Variants in ARHGAP26 observed in about 807,000 individuals in gnomAD.
ARHGAP26 encodes rho GTPase-activating protein 26.
In ARHGAP26, 38 loss-of-function variants were observed where a neutral mutation model predicts 104.8. The ratio of observed to expected loss-of-function variants is 0.36; its 90% CI spans 0.28 to 0.48. The LOEUF (loss-of-function observed/expected upper bound fraction) is 0.48, where lower values mean the gene tolerates loss of function less well. Ranked by LOEUF, ARHGAP26 falls within the 20% of genes least tolerant of loss-of-function variation. The probability of loss-of-function intolerance (pLI) is 0.99; values close to 1 mark genes in which losing one functional copy is unlikely to be tolerated. For missense variants in ARHGAP26, 704 were observed against 947.9 expected, an observed-to-expected ratio of 0.74 and a Z score of 3.38; for synonymous variants, 341 against 340.0, an observed-to-expected ratio of 1.00 and a Z score of -0.03.
chr5:142,815,738 A>T lies in ARHGAP26; in HGVS notation c.154+44823A>T, dbSNP rs182763800. 7.6e-4 allele frequency among the ~76,000 whole-genome samples: 116 copies of T among 152,184 alleles called. 3 individuals carry two copies. The highest frequency in any genetic ancestry group is 2.4e-4 in the Non-Finnish European group (16 of 68,002). On this transcript the variant is annotated intron_variant, in intron 1 of 22. Coordinates refer to ENST00000645722, the MANE Select transcript of ARHGAP26 (RefSeq NM_001135608.3). Reference sequence around the variant, plus strand: ...TCCCCTTCTCACCACTTTCAGACTCATTCGAGCCTCACTTTCCCCGGCTAG... The same window carrying T: ...TCCCCTTCTCACCACTTTCAGACTCTTTCGAGCCTCACTTTCCCCGGCTAG...
At chr5:142,992,419 A>AT (rs1562220414) in intron 11 of ARHGAP26, among the ~76,000 whole-genome samples, 1 of 151,234 alleles carries the variant, frequency 6.6e-6, no homozygotes, top group Non-Finnish European at 1.5e-5. Flanking sequence ...TTTTTTATTT[A>AT]TTTATTTTAT....
chr5:142,798,917 A>G (rs1286096959), intron 1 of ARHGAP26, among the ~76,000 whole-genome samples: 1 of 152,118 alleles, frequency 6.6e-6, no homozygotes, highest in Non-Finnish European at 1.5e-5. Flanking sequence ...CCCTTCATCC[A>G]CCAGGCCAAG....
intron 11 of ARHGAP26, among the ~76,000 whole-genome samples, chr5:142,940,862 G>A (rs1766179549): frequency 6.6e-6 from 1 of 151,922 alleles, no homozygotes; most frequent in South Asian, 2.1e-4. Context: ...AGATAACGAG[G>A]TCAGGAGATC....
intron 22 of ARHGAP26, chr5:143,216,239 G>A (rs1202028352): frequency 2.1e-6 from 1 of 471,260 alleles, no homozygotes; most frequent in Admixed American, 2.4e-5. Flanking sequence ...CGAAGCTCCG[G>A]GCACCTCCAC....
chr5:143,218,609 A>G (rs1810701050), intron 22 of ARHGAP26, among the ~76,000 whole-genome samples: 1 of 152,192 alleles, frequency 6.6e-6, no homozygotes, highest in Admixed American at 6.5e-5. Flanking sequence ...ACATGGGTAG[A>G]GCCGAGAGAA....
intron 1 of ARHGAP26, chr5:142,868,177 A>G (rs73286462): frequency 0.037 from 5,634 of 152,654 alleles, 365 homozygotes; most frequent in East Asian, 0.25. Flanking sequence ...GCCTGATTAG[A>G]GAAGTCAGGG....
intron 18 of ARHGAP26, among the ~76,000 whole-genome samples, chr5:143,126,814 T>G (rs1407822179): frequency 6.6e-6 from 1 of 152,238 alleles, no homozygotes; most frequent in East Asian, 1.9e-4. Context: ...AGATTTTGGC[T>G]CTTCCCACGC....
intron 1 of ARHGAP26, among the ~76,000 whole-genome samples, chr5:142,837,920 G>A (rs10045187): frequency 0.1 from 15,788 of 152,080 alleles, 1,447 homozygotes; most frequent in African/African-American, 0.25. Context: ...ATTTTTCCCT[G>A]CAGGGATATT....
At chr5:143,203,914 G>T (rs1327322067) in intron 20 of ARHGAP26, among the ~76,000 whole-genome samples, 1 of 151,766 alleles carries the variant, frequency 6.6e-6, no homozygotes, top group Non-Finnish European at 1.5e-5. Flanking sequence ...ACCGGGGCCT[G>T]TCAGGGGGTA....
At chr5:143,137,565 C>T (rs1418593285) in intron 19 of ARHGAP26, among the ~76,000 whole-genome samples, 1 of 152,248 alleles carries the variant, frequency 6.6e-6, no homozygotes, top group Non-Finnish European at 1.5e-5. Flanking sequence ...GCATACCTCT[C>T]CTCTACCTTC....
intron 1 of ARHGAP26, among the ~76,000 whole-genome samples, chr5:142,829,541 C>T (rs952819099): frequency 6.6e-6 from 1 of 152,174 alleles, no homozygotes; most frequent in African/African-American, 2.4e-5. Context: ...GCAGAGGGCA[C>T]CTCACATCAC....
intron 11 of ARHGAP26, chr5:142,969,291 G>C (rs1459944644): frequency 1.3e-5 from 2 of 152,118 alleles, no homozygotes; most frequent in African/African-American, 4.8e-5. Flanking sequence ...TTCTCCACTA[G>C]TATAAAAAAT....
chr5:143,221,598 C>T (rs796892701), intron 22 of ARHGAP26, among the ~76,000 whole-genome samples: 2 of 152,132 alleles, frequency 1.3e-5, no homozygotes, highest in African/African-American at 2.4e-5. Flanking sequence ...ACTGCAGCCT[C>T]GACCTGCTGA....
At chr5:143,068,948 C>G (rs946693930) in intron 17 of ARHGAP26, among the ~76,000 whole-genome samples, 1 of 152,302 alleles carries the variant, frequency 6.6e-6, no homozygotes, top group South Asian at 2.1e-4. Flanking sequence ...TTCCCACTCT[C>G]TCCTCCTTGA....
chr5:143,041,021 A>G (rs1306000609), intron 13 of ARHGAP26, among the ~76,000 whole-genome samples: 1 of 152,216 alleles, frequency 6.6e-6, no homozygotes, highest in East Asian at 1.9e-4. Flanking sequence ...TGGACATCAG[A>G]GGAATAAAAT....
intron 1 of ARHGAP26, among the ~76,000 whole-genome samples, chr5:142,823,698 A>AC (rs1468189307): frequency 6.6e-6 from 1 of 152,220 alleles, no homozygotes; most frequent in Non-Finnish European, 1.5e-5. Flanking sequence ...TTTTGCTAAA[A>AC]ATCAGTGTCC....
chr5:142,771,481 C>G (rs1207037445), intron 1 of ARHGAP26: 2 of 1,124,144 alleles, frequency 1.8e-6, no homozygotes, highest in East Asian at 6.4e-5. Context: ...GGAGTATTGG[C>G]AGCCAGTAAT....
intron 18 of ARHGAP26, 53 bp downstream of exon 18, chr5:143,121,200 A>G (rs1056381725): frequency 4.5e-6 from 7 of 1,568,580 alleles, no homozygotes; most frequent in African/African-American, 4.1e-5. Flanking sequence ...GGGAAGCTGC[A>G]TTGGAATTGA....
intron 13 of ARHGAP26, 107 bp downstream of exon 13, chr5:143,037,368 C>A: frequency 1.2e-6 from 1 of 851,956 alleles, no homozygotes; most frequent in East Asian, 2.9e-5. Flanking sequence ...TCATTAGCTC[C>A]CCAAGTGCCA....
Sources: allele counts gnomAD v4.1 joint callset (sites outside exome capture counted in the v4.1 genomes callset), GRCh38; gene constraint gnomAD v4.1.1; transcripts MANE v1.5; gene names NCBI Gene and HGNC (gene_info 2026-07-23, HGNC 2026-07-21).